Variants in RNF14 observed in about 807,000 individuals in gnomAD.
The protein encoded by RNF14 is ring finger protein 14.
A neutral mutation model predicts 52.6 loss-of-function variants in RNF14; 26 were observed. The observed-to-expected ratio is 0.49, with a 90% CI of 0.36 to 0.69. The LOEUF is 0.69. Ranked by LOEUF, RNF14 falls within the 30% of genes least tolerant of loss-of-function variation. RNF14 has a pLI of 0.00. For missense variants in RNF14, 404 were observed against 560.4 expected, an observed-to-expected ratio of 0.72 and a Z score of 2.82; for synonymous variants, 194 against 202.0, an observed-to-expected ratio of 0.96 and a Z score of 0.34.
chr5:141,970,382 AAAAAC>A (rs1269609766), intron 1 of RNF14, among the ~76,000 whole-genome samples: 2 of 152,226 alleles, frequency 1.3e-5, no homozygotes, highest in African/African-American at 4.8e-5. Flanking sequence ...GAAAGGAGAA[AAAAAC>A]AAAACAAAAA....
upstream of RNF14, chr5:141,957,770 TC>T (rs1388934669): frequency 6.2e-7 from 1 of 1,610,522 alleles, no homozygotes; most frequent in Non-Finnish European, 8.5e-7. The surrounding 1 kb of genome is among the most constrained non-coding windows in gnomAD (Gnocchi z 4.3). Context: ...GTGAGAGTGG[TC>T]ACCTCCTGAC....
chr5:141,985,701 T>C (rs972260519), intron 8 of RNF14, among the ~76,000 whole-genome samples: 3 of 152,106 alleles, frequency 2.0e-5, no homozygotes, highest in African/African-American at 7.2e-5. Flanking sequence ...TACAGGCGCC[T>C]GCCACCACGC....
intron 5 of RNF14, among the ~76,000 whole-genome samples, chr5:141,979,070 G>T (rs1754516594): frequency 6.6e-6 from 1 of 152,238 alleles, no homozygotes; most frequent in African/African-American, 2.4e-5. Flanking sequence ...TTAAGTAATT[G>T]TGATAATTTA....
upstream of RNF14, chr5:141,955,111 C>T (rs1481980444): frequency 1.4e-5 from 23 of 1,614,108 alleles, no homozygotes; most frequent in East Asian, 2.2e-5. The surrounding 1 kb of genome is among the most constrained non-coding windows in gnomAD (Gnocchi z 5.5). Context: ...ATTGAGATGT[C>T]GCTGCCGTCT....
At chr5:141,954,350 A>T (rs1205147111), upstream of RNF14, among the ~76,000 whole-genome samples, 1 of 152,258 alleles carries the variant, frequency 6.6e-6, no homozygotes, top group Non-Finnish European at 1.5e-5. Flanking sequence ...GAAGTTGCCC[A>T]GATGAGATGA....
chr5:141,957,659 C>T (rs1753209180), upstream of RNF14: 4 of 1,614,164 alleles, frequency 2.5e-6, no homozygotes, highest in African/African-American at 1.3e-5. The surrounding 1 kb of genome is among the most constrained non-coding windows in gnomAD (Gnocchi z 4.3). Flanking sequence ...ACCTGGAAGG[C>T]AGCCCCAGCT....
upstream of RNF14, among the ~76,000 whole-genome samples, chr5:141,964,945 T>TC (rs202036212): frequency 6.6e-6 from 1 of 150,572 alleles, no homozygotes; most frequent in East Asian, 1.9e-4. Context: ...CTAATTTTTT[T>TC]TAAAAAAAAA....
At chr5:141,976,679 T>G (rs533743923) in intron 4 of RNF14, among the ~76,000 whole-genome samples, 2 of 152,172 alleles carry the variant, frequency 1.3e-5, no homozygotes, top group Non-Finnish European at 2.9e-5. Flanking sequence ...GGTTTTAGTT[T>G]TCTAAAACCT....
intron 8 of RNF14, 89 bp downstream of exon 8, chr5:141,985,022 G>C: frequency 8.6e-7 from 1 of 1,162,930 alleles, no homozygotes; most frequent in Non-Finnish European, 1.2e-6. Flanking sequence ...TTAAGTACTT[G>C]GACTTATTTA....
At chr5:141,982,724 C>G (rs252097) in intron 6 of RNF14, 130,649 of 151,826 alleles carry the variant, frequency 0.86, 56,304 homozygotes, top group East Asian at 0.98. Flanking sequence ...GACTTGGGTG[C>G]TAAGTTTTAT....
rs1596721824 is a variant in RNF14 at position 141,988,400 on chromosome 5, T to C, written c.*610T>C. The C allele has an allele frequency of 6.6e-6, 1 of 152,300 alleles. No individual in the cohort carries two copies. The allele number at this position is 152,300 out of a possible 1,614,324, so 9.4% of individuals were successfully genotyped here. A position where few individuals can be genotyped will look rare whatever the true frequency, so the allele number is the denominator to read the frequency against. On this transcript the variant is annotated 3_prime_UTR_variant, in exon 9 of 9. Transcript: ENST00000394520. The stretch of plus-strand genomic sequence containing the variant: ...AGAATGGAAATTTATAATATAAATA[T>C]ATGTTTTAATACCACAAACACTGTG...
At chr5:141,971,941 C>T (rs1296872389) in intron 2 of RNF14, among the ~76,000 whole-genome samples, 1 of 152,018 alleles carries the variant, frequency 6.6e-6, no homozygotes, top group African/African-American at 2.4e-5. Context: ...AGCCACTGTG[C>T]CTGGGCCTTG....
chr5:141,987,797 A>G lies in RNF14; in HGVS notation c.*7A>G, dbSNP rs1347840899. 2 of 1,612,144 alleles carry G rather than the reference A, an allele frequency of 1.2e-6. No homozygotes were observed. Among genetic ancestry groups the G allele is most frequent in the East Asian group, 2.2e-5 (1 of 44,870 alleles). On this transcript the variant is annotated 3_prime_UTR_variant, in exon 9 of 9. Coordinates refer to ENST00000394520, the MANE Select transcript of RNF14 (RefSeq NM_004290.5). ...AGATGAGGTAGAAGACTAGTTAACT[A>G]CTGCTCAAGATATGGAAGTGGATTG...
At chr5:141,959,913 G>A (rs1263068230) in intron 1 of RNF14, among the ~76,000 whole-genome samples, 1 of 152,206 alleles carries the variant, frequency 6.6e-6, no homozygotes, top group Non-Finnish European at 1.5e-5. Context: ...GGTGGGGTAA[G>A]GACTCAGCAC....
chr5:141,983,039 C>A (rs1475446096), intron 6 of RNF14, among the ~76,000 whole-genome samples: 1 of 152,108 alleles, frequency 6.6e-6, no homozygotes, highest in African/African-American at 2.4e-5. Context: ...CATTTATTAT[C>A]ATTTGTGCAA....
upstream of RNF14, chr5:141,957,941 G>GC: frequency 1.4e-6 from 2 of 1,451,592 alleles, no homozygotes; most frequent in Non-Finnish European, 1.8e-6. This position sits in a 1 kb window ranked among gnomAD's most constrained non-coding sequence, Gnocchi z 4.3. Context: ...GGCTTGATCA[G>GC]CCCCGTGCTC....
chr5:141,958,516 A>G (rs1753224162), intron 1 of RNF14: 1 of 152,516 alleles, frequency 6.6e-6, no homozygotes, highest in Non-Finnish European at 1.5e-5. Context: ...CCCCTTCCCC[A>G]ACTCTCTTTG....
intron 8 of RNF14, among the ~76,000 whole-genome samples, chr5:141,985,296 T>G (rs1462791167): frequency 6.6e-6 from 1 of 152,222 alleles, no homozygotes; most frequent in East Asian, 1.9e-4. Flanking sequence ...CAACTCTAAA[T>G]ATTTCCACGT....
In RNF14 at chr5:141,983,398, G is replaced by T; in HGVS notation, c.1082G>T (p.Arg361Leu). 6.2e-7 allele frequency: 1 copy of T among 1,612,220 alleles called. No individual in the cohort carries two copies. Among genetic ancestry groups the T allele is most frequent in the East Asian group, 2.2e-5 (1 of 44,812 alleles). The part of the protein sequence containing the change: ...KVTAEKLMDL[R>L]NEYLQADEAN... ...TTTGTAGAGAAATTAATGGACTTAC[G>T]AAATGAATACCTGCAAGCGGATGAG... The change falls in exon 7 of 9, where the codon CGA becomes CTA. Residue 361 changes from arginine to leucine, a missense_variant. Arg to Leu is a moderately radical substitution (Grantham distance 102). Coordinates refer to ENST00000394520, the MANE Select transcript of RNF14 (RefSeq NM_004290.5).
Sources: gnomAD v4.1 joint callset for allele counts (sites outside exome capture counted in the v4.1 genomes callset) on GRCh38, gnomAD v4.1.1 for gene constraint, Gnocchi (gnomAD v3.1) non-coding constraint, MANE v1.5 for transcripts, NCBI Gene and HGNC (gene_info 2026-07-23, HGNC 2026-07-21) for gene names.